The following TTC6 variants were observed in gnomAD, a reference collection of about 807,000 sequenced individuals.
TTC6 encodes tetratricopeptide repeat domain 6, also known as tetratricopeptide repeat protein 6.
A neutral mutation model predicts 210.4 loss-of-function variants in TTC6; 172 were observed. The observed-to-expected ratio is 0.82, with a 90% CI of 0.72 to 0.93. The LOEUF (loss-of-function observed/expected upper bound fraction) is 0.93, where lower values mean the gene tolerates loss of function less well. TTC6 is among the 40% of genes least tolerant of loss of function. The probability of loss-of-function intolerance (pLI) is 0.00; values close to 1 mark genes in which losing one functional copy is unlikely to be tolerated. For missense variants in TTC6, 2,414 were observed against 2,318.1 expected (o/e 1.04, Z -0.85); for synonymous variants, 804 against 819.6 (o/e 0.98, Z 0.32).
chr14:37,711,161 G>C (rs1483625799), intron 5 of TTC6, among the ~76,000 whole-genome samples: 1 of 152,138 alleles, frequency 6.6e-6, no homozygotes, highest in Non-Finnish European at 1.5e-5. Flanking sequence ...CTGCTTCCCA[G>C]GGCAGAGTCT....
At position 37,819,439 on chromosome 14, in the gene TTC6, G is replaced by A. The variant is rs191929207; in HGVS notation, c.4763+1788G>A. Among the ~76,000 whole-genome samples, 5 of 152,158 alleles carry A rather than the reference G, an allele frequency of 3.3e-5. No homozygotes were observed. The East Asian group carries it at 5.8e-4, about 18-fold the overall frequency. The stretch of plus-strand genomic sequence containing the variant: ...TTTTAAGGCTTTGATCTTTGATCTC[G>A]TGGGGTTGCAGACTTTTGAAGTATC... On this transcript the variant is annotated intron_variant, in intron 26 of 30. Transcript: ENST00000553443.
intron 1 of TTC6, among the ~76,000 whole-genome samples, chr14:37,599,695 C>A (rs1024560697): frequency 6.6e-6 from 1 of 152,204 alleles, no homozygotes; most frequent in Non-Finnish European, 1.5e-5. Context: ...CCAAAATCAA[C>A]TCGCATTTTC....
intron 1 of TTC6, among the ~76,000 whole-genome samples, chr14:37,604,255 G>A (rs919933121): frequency 6.6e-6 from 1 of 152,130 alleles, no homozygotes; most frequent in African/African-American, 2.4e-5. Context: ...CTTGACTGGT[G>A]GAGCTACTCT....
intron 14 of TTC6, among the ~76,000 whole-genome samples, chr14:37,771,490 G>A (rs1048448033): frequency 3.9e-5 from 6 of 152,076 alleles, no homozygotes; most frequent in Admixed American, 2.6e-4. Flanking sequence ...TTTCTTGGAT[G>A]TTTGCTCTTT....
At chr14:37,622,998 A>G (rs2095654415) in exon 1 of TTC6, 4 of 1,467,062 alleles carry the variant, frequency 2.7e-6, no homozygotes, top group East Asian at 2.5e-5. Flanking sequence ...CGACATTACA[A>G]TGGAAGTAGG....
At chr14:37,786,221 G>C (rs541624978) in intron 14 of TTC6, among the ~76,000 whole-genome samples, 2 of 152,244 alleles carry the variant, frequency 1.3e-5, no homozygotes, top group Non-Finnish European at 2.9e-5. Context: ...CCGGCCCACA[G>C]AGGTGGAGTC....
intron 25 of TTC6, among the ~76,000 whole-genome samples, chr14:37,813,199 AT>A (rs34648603): frequency 6.6e-6 from 1 of 152,070 alleles, no homozygotes; most frequent in Non-Finnish European, 1.5e-5. Context: ...TTCTGGAGTC[AT>A]TTTTTTGAGA....
intron 3 of TTC6, among the ~76,000 whole-genome samples, chr14:37,692,860 AAAATAAATAAATAAATAAAT>A (rs3985274): frequency 7.7e-5 from 11 of 143,526 alleles, no homozygotes; most frequent in Admixed American, 5.6e-4. Flanking sequence ...CTCCATCTCA[AAAATAAATAAATAAATAAAT>A]AAATAAATAA....
chr14:37,693,252 G>A (rs534594126), intron 3 of TTC6, among the ~76,000 whole-genome samples: 1 of 152,114 alleles, frequency 6.6e-6, no homozygotes, highest in South Asian at 2.1e-4. Flanking sequence ...TGCCAACAGT[G>A]AACAAACTGA....
intron 1 of TTC6, among the ~76,000 whole-genome samples, chr14:37,639,606 C>G (rs967922575): frequency 6.6e-6 from 1 of 151,032 alleles, no homozygotes; most frequent in Non-Finnish European, 1.5e-5. Flanking sequence ...TGCGGTGGCT[C>G]ATGCCTGTAA....
intron 10 of TTC6, among the ~76,000 whole-genome samples, chr14:37,742,763 G>C (rs1422777163): frequency 6.6e-6 from 1 of 152,124 alleles, no homozygotes; most frequent in Non-Finnish European, 1.5e-5. Flanking sequence ...TTCTCTAAAA[G>C]CTGGCAGCAG....
chr14:37,785,090 A>G (rs541486334), intron 14 of TTC6, among the ~76,000 whole-genome samples: 75 of 152,220 alleles, frequency 4.9e-4, no homozygotes, highest in Non-Finnish European at 9.3e-4. Context: ...GAATCTGACA[A>G]TTATGTGTCT....
At chr14:37,736,046 A>G in intron 8 of TTC6, 36 bp downstream of exon 10, 1 of 1,081,764 alleles carries the variant, frequency 9.2e-7, no homozygotes, top group Non-Finnish European at 1.4e-6. Context: ...AGGATTGTTT[A>G]CTCTATCTGC....
At chr14:37,750,344 C>A (rs2095948055) in intron 12 of TTC6, among the ~76,000 whole-genome samples, 1 of 152,138 alleles carries the variant, frequency 6.6e-6, no homozygotes, top group South Asian at 2.1e-4. Flanking sequence ...CTACAACATA[C>A]CCATAAAATA....
intron 1 of TTC6, among the ~76,000 whole-genome samples, chr14:37,657,685 G>A (rs1367161584): frequency 6.6e-6 from 1 of 152,156 alleles, no homozygotes; most frequent in Non-Finnish European, 1.5e-5. Flanking sequence ...TCAAGTTAAA[G>A]TAGAGAGGAA....
At chr14:37,793,816 T>C (rs1030878766) in intron 17 of TTC6, among the ~76,000 whole-genome samples, 52 of 152,162 alleles carry the variant, frequency 3.4e-4, no homozygotes, top group Non-Finnish European at 5.4e-4. Flanking sequence ...CATCATAGAA[T>C]GTAACAGAGA....
intron 1 of TTC6, among the ~76,000 whole-genome samples, chr14:37,642,921 A>G (rs2095694757): frequency 6.6e-6 from 1 of 152,248 alleles, no homozygotes; most frequent in Non-Finnish European, 1.5e-5. Flanking sequence ...AAGATAGAGT[A>G]AAAATGCAGT....
chr14:37,736,020 AT>A lies in TTC6; in HGVS notation c.1908+15del. 2 of 1,430,278 alleles carry A rather than the reference AT, an allele frequency of 1.4e-6. No individual in the cohort carries two copies. The highest frequency in any genetic ancestry group is 1.9e-6 in the Non-Finnish European group (2 of 1,053,910). 88.6% of individuals were successfully genotyped at this position (1,430,278 alleles called of 1,614,324 possible). On this transcript the variant is annotated intron_variant, in intron 8 of 30. Transcript: ENST00000553443. ...CAGAACAAATTTTTGGGTATGTACA[AT>A]TTTTGTTCTTAATTAGGATTGTTTA...
intron 26 of TTC6, among the ~76,000 whole-genome samples, chr14:37,818,683 A>T (rs965113116): frequency 6.6e-6 from 1 of 152,080 alleles, no homozygotes; most frequent in Admixed American, 6.6e-5. Flanking sequence ...TAATACCATA[A>T]CTGGAACTTC....
Sources: allele counts gnomAD v4.1 joint callset (sites outside exome capture counted in the v4.1 genomes callset), GRCh38; gene constraint gnomAD v4.1.1; transcripts MANE v1.5; gene names NCBI Gene and HGNC (gene_info 2026-07-23, HGNC 2026-07-21).